The following TESK2 variants were observed in gnomAD, a reference collection of about 807,000 sequenced individuals.
TESK2 encodes testis associated actin remodelling kinase 2, also known as dual specificity testis-specific protein kinase 2.
In TESK2, 39 loss-of-function variants were observed where a neutral mutation model predicts 57.1. That is an observed-to-expected ratio of 0.68 (90% CI 0.53 to 0.89). The LOEUF (loss-of-function observed/expected upper bound fraction) is 0.89, where lower values mean the gene tolerates loss of function less well. Ranked by LOEUF, TESK2 falls within the 40% of genes least tolerant of loss-of-function variation. TESK2 has a pLI of 0.00. For synonymous variants in TESK2, 249 were observed against 267.9 expected (o/e 0.93, Z 0.69); for missense variants, 646 against 732.1 (o/e 0.88, Z 1.36).
At chr1:45,437,166 A>G (rs552659592) in intron 2 of TESK2, among the ~76,000 whole-genome samples, 1 of 152,282 alleles carries the variant, frequency 6.6e-6, no homozygotes, top group East Asian at 1.9e-4. Flanking sequence ...CGTTTTAACA[A>G]TATTAATTCT....
chr1:45,383,041 A>C (rs1386984357), intron 4 of TESK2, among the ~76,000 whole-genome samples: 1 of 152,236 alleles, frequency 6.6e-6, no homozygotes, highest in Non-Finnish European at 1.5e-5. Context: ...ATTCTTCCTA[A>C]TAATGTCAAT....
intron 3 of TESK2, among the ~76,000 whole-genome samples, chr1:45,394,868 A>G (rs1649296962): frequency 6.6e-6 from 1 of 151,166 alleles, no homozygotes; most frequent in South Asian, 2.1e-4. Context: ...TTGTATTTTT[A>G]GTAGAGACGG....
Position 45,432,912 on chromosome 1 carries a change from T to C in TESK2, c.223-11066A>G, listed in dbSNP as rs372772978. On this transcript the variant is annotated intron_variant, in intron 2 of 10. Transcript: ENST00000372086. ...CTGAGTAGCTGGGACAACAGGCACA[T>C]GCCGCCACACCCAGCTAATTTTTTG... 2.7e-3 allele frequency among the ~76,000 whole-genome samples: 411 copies of C among 150,420 alleles called. 2 individuals carry two copies. Among genetic ancestry groups the C allele is most frequent in the East Asian group, 0.016 (79 of 4,982 alleles).
At chr1:45,379,831 C>T (rs1229848254) in intron 4 of TESK2, among the ~76,000 whole-genome samples, 1 of 152,208 alleles carries the variant, frequency 6.6e-6, no homozygotes, top group East Asian at 1.9e-4. Flanking sequence ...TATTCTGCAA[C>T]TGCAGAATTG....
In TESK2 at chr1:45,345,555, A is replaced by C. The variant is rs770868637; in HGVS notation, c.1001T>G (p.Leu334Arg). The C allele has an allele frequency of 6.2e-7, 1 of 1,612,242 alleles. No individual in the cohort carries two copies. The highest frequency in any genetic ancestry group is 8.5e-7 in the Non-Finnish European group (1 of 1,178,872). ...DRKLQPTARG[L>R]LEKAPGVKRL... is the part of the protein sequence containing the mutation. ...CTTCACCCCAGGTGCTTTCTCCAAG[A>C]GTCCTGAAGAATAATCAAGTCTGGG... is the stretch of plus-strand genomic sequence containing the variant. Residue 334 changes from leucine to arginine, a missense_variant, in exon 11 of 11, where the codon CTC (leucine) becomes CGC (arginine). Coordinates refer to ENST00000372086, the MANE Select transcript of TESK2 (RefSeq NM_007170.3).
chr1:45,424,850 T>C (rs1339183971), intron 2 of TESK2, among the ~76,000 whole-genome samples: 1 of 152,134 alleles, frequency 6.6e-6, no homozygotes, highest in African/African-American at 2.4e-5. Context: ...GAAAAAGCAT[T>C]TGATAAAATT....
intron 2 of TESK2, among the ~76,000 whole-genome samples, chr1:45,444,177 A>T (rs77269304): frequency 2.5e-5 from 2 of 78,728 alleles, no homozygotes; most frequent in Non-Finnish European, 5.5e-5. Context: ...AGACTCTATT[A>T]AAAAAAAAAA....
At chr1:45,451,149 T>C (rs540918479) in intron 2 of TESK2, among the ~76,000 whole-genome samples, 1 of 152,290 alleles carries the variant, frequency 6.6e-6, no homozygotes, top group South Asian at 2.1e-4. Context: ...AGCTGGACTT[T>C]AGTGTTGGGA....
intron 4 of TESK2, among the ~76,000 whole-genome samples, chr1:45,359,650 G>A (rs1647592999): frequency 6.6e-6 from 1 of 151,920 alleles, no homozygotes; most frequent in Non-Finnish European, 1.5e-5. Flanking sequence ...GATCCCCTGA[G>A]GCTAGGAGTT....
At chr1:45,390,303 A>C (rs1273696713) in intron 3 of TESK2, among the ~76,000 whole-genome samples, 1 of 151,914 alleles carries the variant, frequency 6.6e-6, no homozygotes, top group East Asian at 1.9e-4. Flanking sequence ...TTTTTATACA[A>C]AAAAATACAA....
chr1:45,467,229 A>G (rs1652587593), intron 1 of TESK2, among the ~76,000 whole-genome samples: 1 of 152,192 alleles, frequency 6.6e-6, no homozygotes, highest in East Asian at 1.9e-4. Flanking sequence ...ACAAAATGAT[A>G]TATCTGTTAA....
intron 1 of TESK2, among the ~76,000 whole-genome samples, chr1:45,473,654 T>A (rs1378212990): frequency 6.6e-6 from 1 of 152,152 alleles, no homozygotes; most frequent in African/African-American, 2.4e-5. Context: ...TCCAATGACA[T>A]AACAAAAAGC....
chr1:45,436,813 T>G (rs1200768165), intron 2 of TESK2, among the ~76,000 whole-genome samples: 1 of 149,714 alleles, frequency 6.7e-6, no homozygotes, highest in Admixed American at 6.7e-5. Flanking sequence ...TTTTTTTTTT[T>G]TTTAGACAGA....
At chr1:45,398,899 T>C in intron 3 of TESK2, 1 of 411,162 alleles carries the variant, frequency 2.4e-6, no homozygotes, top group Admixed American at 3.5e-5. Context: ...ATGCAGAAGA[T>C]CCAGTGGAGG....
At chr1:45,480,800 C>T (rs957875038) in intron 1 of TESK2, among the ~76,000 whole-genome samples, 2 of 148,690 alleles carry the variant, frequency 1.3e-5, no homozygotes, top group South Asian at 4.3e-4. Flanking sequence ...CTAGCCTGAC[C>T]AACATGGTTA....
chr1:45,417,460 G>A (rs931690413), intron 3 of TESK2, among the ~76,000 whole-genome samples: 7 of 151,874 alleles, frequency 4.6e-5, no homozygotes, highest in African/African-American at 7.3e-5. Flanking sequence ...TCGAACTCCC[G>A]ACTCAGGTGA....
chr1:45,423,383 C>A (rs1650559665), intron 2 of TESK2, among the ~76,000 whole-genome samples: 1 of 151,866 alleles, frequency 6.6e-6, no homozygotes, highest in Non-Finnish European at 1.5e-5. Context: ...TGGTGAAATC[C>A]CGTCTCTACT....
intron 2 of TESK2, among the ~76,000 whole-genome samples, chr1:45,444,852 T>G (rs1248875986): frequency 2.0e-5 from 3 of 152,186 alleles, no homozygotes; most frequent in African/African-American, 7.2e-5. Flanking sequence ...AAAACAAAGA[T>G]GATAACAGTC....
intron 4 of TESK2, among the ~76,000 whole-genome samples, chr1:45,357,430 G>C (rs1189807449): frequency 6.6e-6 from 1 of 151,842 alleles, no homozygotes; most frequent in Non-Finnish European, 1.5e-5. Context: ...TCAGTAAAGT[G>C]GTTAAGACGA....
Sources: allele counts gnomAD v4.1 joint callset (sites outside exome capture counted in the v4.1 genomes callset), GRCh38; gene constraint gnomAD v4.1.1; transcripts MANE v1.5; gene names NCBI Gene and HGNC (gene_info 2026-07-23, HGNC 2026-07-21).